Variants in SP140L observed in about 807,000 individuals in gnomAD.
SP140L encodes the protein nuclear body protein SP140-like protein.
A neutral mutation model predicts 84.3 loss-of-function variants in SP140L; 64 were observed. The observed-to-expected ratio is 0.76, with a 90% confidence interval of 0.62 to 0.94. The LOEUF (loss-of-function observed/expected upper bound fraction) is 0.94, where lower values mean the gene tolerates loss of function less well. Among genes scored for constraint, SP140L ranks in the 40% least tolerant of loss-of-function variants. The probability of loss-of-function intolerance (pLI) is 0.00; values close to 1 mark genes in which losing one functional copy is unlikely to be tolerated. For missense variants in SP140L, 628 were observed against 692.5 expected (o/e 0.91, Z 1.05); for synonymous variants, 242 against 236.9 (o/e 1.02, Z -0.20).
intron 2 of SP140L, among the ~76,000 whole-genome samples, chr2:230,357,125 C>T (rs866474617): frequency 6.6e-5 from 10 of 152,176 alleles, no homozygotes; most frequent in Middle Eastern, 3.4e-3. Context: ...TAAAAGGAAA[C>T]GGCAGCGATT....
At chr2:230,345,893 T>A (rs1426575271) in intron 2 of SP140L, among the ~76,000 whole-genome samples, 2 of 152,202 alleles carry the variant, frequency 1.3e-5, no homozygotes, top group Non-Finnish European at 2.9e-5. Flanking sequence ...TATGCTAGAA[T>A]TGAAAGTGAT....
chr2:230,340,630 C>T (rs1172948533), intron 2 of SP140L, among the ~76,000 whole-genome samples: 4 of 137,334 alleles, frequency 2.9e-5, no homozygotes, highest in South Asian at 2.5e-4. Context: ...CGGCTGGTAC[C>T]GGTTGTTCCT....
At chr2:230,389,773 C>T (rs2061727218) in intron 10 of SP140L, 146 bp from the exon 11 acceptor site, 1 of 777,574 alleles carries the variant, frequency 1.3e-6, no homozygotes, top group African/African-American at 1.8e-5. Flanking sequence ...TCAAAAATGC[C>T]ACTTGGAAGA....
chr2:230,390,875 T>TTCCCACCTCACCC (rs2061774122), intron 11 of SP140L, among the ~76,000 whole-genome samples: 3 of 152,226 alleles, frequency 2.0e-5, no homozygotes, highest in African/African-American at 4.8e-5. Context: ...CAATTAGTAG[T>TTCCCACCTCACCC]CAATGCCCAT....
intron 2 of SP140L, among the ~76,000 whole-genome samples, chr2:230,355,217 C>A (rs988172820): frequency 6.6e-6 from 1 of 152,096 alleles, no homozygotes; most frequent in Non-Finnish European, 1.5e-5. Context: ...TAAAGGAAAT[C>A]TATAAATACT....
At chr2:230,366,117 A>G (rs2060862022) in intron 5 of SP140L, among the ~76,000 whole-genome samples, 1 of 152,144 alleles carries the variant, frequency 6.6e-6, no homozygotes, top group Non-Finnish European at 1.5e-5. Context: ...GTTCTTTATG[A>G]TGCTGTTAGG....
intron 11 of SP140L, among the ~76,000 whole-genome samples, chr2:230,391,132 CTT>C (rs2061785548): frequency 6.6e-6 from 1 of 152,124 alleles, no homozygotes; most frequent in Non-Finnish European, 1.5e-5. Flanking sequence ...CATTCATCAA[CTT>C]GGGTTATTTT....
chr2:230,393,434 TC>T lies in SP140L; in HGVS notation c.1130del (p.Pro377GlnfsTer12). On this transcript the variant is annotated frameshift_variant, in exon 13 of 19. Coordinates refer to ENST00000415673, the MANE Select transcript of SP140L (RefSeq NM_138402.6). LOFTEE classifies it high-confidence loss of function. ...LMEEGSLPNPPRIYYRNKKRI... is the reference protein window; with the variant it reads ...LMEEGSLPNPXRIYYRNKKRI... ...TTCAGGAAGGATCTCTACCTAATCC[TC>T]CAAGAATATATTACAGGAACAAAAA... 6.3e-7 allele frequency: 1 copy of T among 1,586,528 alleles called. No homozygotes were observed. The highest frequency in any genetic ancestry group is 1.7e-4 in the Middle Eastern group (1 of 5,996).
chr2:230,370,065 C>A (rs2061013126), intron 5 of SP140L, among the ~76,000 whole-genome samples: 1 of 152,196 alleles, frequency 6.6e-6, no homozygotes, highest in African/African-American at 2.4e-5. Flanking sequence ...AGCCACCGCA[C>A]CCTGCCACTT....
chr2:230,341,782 G>C (rs550937041), intron 2 of SP140L, among the ~76,000 whole-genome samples: 1 of 152,142 alleles, frequency 6.6e-6, no homozygotes, highest in Non-Finnish European at 1.5e-5. Flanking sequence ...CTGCTGGGGG[G>C]TGCCTCCCAG....
intron 1 of SP140L, among the ~76,000 whole-genome samples, chr2:230,327,797 G>A (rs2059620000): frequency 1.3e-5 from 2 of 152,110 alleles, no homozygotes; most frequent in African/African-American, 4.8e-5. Context: ...GGAAACTGTG[G>A]TTTCACCTGT....
At chr2:230,342,661 A>G (rs2060091008) in intron 2 of SP140L, among the ~76,000 whole-genome samples, 1 of 152,120 alleles carries the variant, frequency 6.6e-6, no homozygotes, top group Non-Finnish European at 1.5e-5. Context: ...TATTTCTTCT[A>G]GGTTATCCAA....
intron 2 of SP140L, among the ~76,000 whole-genome samples, chr2:230,344,252 AC>A (rs2060146474): frequency 6.6e-6 from 1 of 151,990 alleles, no homozygotes; most frequent in Non-Finnish European, 1.5e-5. Flanking sequence ...GTTGAATTGA[AC>A]CCTTTACCAT....
intron 13 of SP140L, among the ~76,000 whole-genome samples, chr2:230,393,683 G>A (rs2061923489): frequency 1.3e-5 from 2 of 152,132 alleles, no homozygotes; most frequent in Admixed American, 6.5e-5. Flanking sequence ...ATCAGATGGA[G>A]ATGCTGAGGA....
chr2:230,400,012 A>G, intron 14 of SP140L, 115 bp from the exon 15 acceptor site: 4 of 1,002,850 alleles, frequency 4.0e-6, no homozygotes, highest in Non-Finnish European at 5.9e-6. Context: ...CCCAGGGAGA[A>G]GCATATGCCT....
chr2:230,388,607 C>T lies in SP140L; in HGVS notation c.833C>T (p.Ala278Val), dbSNP rs772679680. The T allele has an allele frequency of 6.2e-7, 1 of 1,609,644 alleles. No homozygotes were observed. The highest frequency in any genetic ancestry group is 8.5e-7 in the Non-Finnish European group (1 of 1,178,662). The change falls in exon 10 of 19, where the codon GCT (alanine) becomes GTT (valine). Residue 278 changes from alanine (A) to valine (V), a missense_variant. Transcript: ENST00000415673. ...ACCCACTTTACTCAGAGTGACAGAGCTCCACAGAAAAGAGTCCGATCAAGA... is the reference window on the plus strand; with the variant it reads ...ACCCACTTTACTCAGAGTGACAGAGTTCCACAGAAAAGAGTCCGATCAAGA... ...PGTHFTQSDR[A>V]PQKRVRSRAS...
chr2:230,384,403 T>A (rs1203225116), intron 8 of SP140L, among the ~76,000 whole-genome samples: 1 of 152,194 alleles, frequency 6.6e-6, no homozygotes, highest in Non-Finnish European at 1.5e-5. Context: ...ATTTCCTTTC[T>A]CCTAGTCAAT....
chr2:230,393,120 G>A (rs1393236312), intron 12 of SP140L, among the ~76,000 whole-genome samples: 1 of 152,102 alleles, frequency 6.6e-6, no homozygotes, highest in Non-Finnish European at 1.5e-5. Context: ...AGTGGCACTG[G>A]TGCAACTGGA....
At chr2:230,355,692 G>T (rs1001834808) in intron 2 of SP140L, among the ~76,000 whole-genome samples, 1 of 152,088 alleles carries the variant, frequency 6.6e-6, no homozygotes, top group Admixed American at 6.6e-5. Context: ...CAATGGTATG[G>T]CATAGAAAGT....
Sources: gnomAD v4.1 joint callset for allele counts (sites outside exome capture counted in the v4.1 genomes callset) on GRCh38, gnomAD v4.1.1 for gene constraint, MANE v1.5 for transcripts, NCBI Gene and HGNC (gene_info 2026-07-23, HGNC 2026-07-21) for gene names.